NDST4: variants seen among roughly 807,000 people sequenced by gnomAD.
NDST4 encodes N-heparan sulfate sulfotransferase 4.
Under a neutral mutation model 100.8 loss-of-function variants are expected in NDST4, and 63 were observed. The ratio of observed to expected loss-of-function variants is 0.62; its 90% CI spans 0.51 to 0.77. The LOEUF is 0.77. NDST4 is among the 30% of genes least tolerant of loss of function. The probability of loss-of-function intolerance (pLI) is 0.00; values close to 1 mark genes in which losing one functional copy is unlikely to be tolerated. For missense variants in NDST4, 943 were observed against 1,018.4 expected (o/e 0.93, Z 1.01); for synonymous variants, 377 against 361.8 (o/e 1.04, Z -0.48).
chr4:115,025,724 CAG>C (rs1727969461), intron 2 of NDST4, among the ~76,000 whole-genome samples: 1 of 152,032 alleles, frequency 6.6e-6, no homozygotes, highest in South Asian at 2.1e-4. Flanking sequence ...AGTTAATATG[CAG>C]AGACATAATT....
intron 8 of NDST4, among the ~76,000 whole-genome samples, chr4:114,850,071 A>G (rs533381810): frequency 3.2e-4 from 49 of 152,316 alleles, no homozygotes; most frequent in Non-Finnish European, 5.7e-4. Flanking sequence ...TTTTAAGATA[A>G]CACTTTCTTA....
chr4:115,108,760 C>A (rs531582642), intron 1 of NDST4, among the ~76,000 whole-genome samples: 2 of 151,916 alleles, frequency 1.3e-5, no homozygotes, highest in Non-Finnish European at 2.9e-5. Flanking sequence ...ATCTCCCACC[C>A]TATTTCACTT....
At chr4:114,840,623 C>T (rs1189834943) in intron 10 of NDST4, among the ~76,000 whole-genome samples, 1 of 152,082 alleles carries the variant, frequency 6.6e-6, no homozygotes, top group African/African-American at 2.4e-5. Context: ...AACCACCAAA[C>T]ACATATGAAA....
intron 2 of NDST4, among the ~76,000 whole-genome samples, chr4:115,026,457 A>G (rs1727987230): frequency 6.6e-6 from 1 of 151,844 alleles, no homozygotes; most frequent in South Asian, 2.1e-4. Context: ...ACACACACAT[A>G]TACACATACG....
intron 12 of NDST4, among the ~76,000 whole-genome samples, chr4:114,833,192 A>AT (rs2126180416): frequency 6.6e-6 from 1 of 152,354 alleles, no homozygotes; most frequent in Non-Finnish European, 1.5e-5. Context: ...TAAATACATA[A>AT]TAAAACATGA....
At chr4:114,943,075 T>C (rs1181266868) in intron 4 of NDST4, among the ~76,000 whole-genome samples, 1 of 147,320 alleles carries the variant, frequency 6.8e-6, no homozygotes, top group Non-Finnish European at 1.5e-5. Context: ...TTATATATTA[T>C]ATAATATAAT....
At chr4:114,853,234 T>C (rs1723718442) in intron 7 of NDST4, among the ~76,000 whole-genome samples, 1 of 151,592 alleles carries the variant, frequency 6.6e-6, no homozygotes, top group African/African-American at 2.4e-5. Context: ...ATTCCAGACT[T>C]GGCCAACTTT....
intron 13 of NDST4, among the ~76,000 whole-genome samples, 189 bp downstream of exon 13, chr4:114,829,601 T>A (rs1191779932): frequency 6.6e-6 from 1 of 152,192 alleles, no homozygotes; most frequent in Non-Finnish European, 1.5e-5. Flanking sequence ...TTAATTTTAG[T>A]ATCTATCTAC....
At chr4:115,080,805 A>G (rs1729286799) in intron 1 of NDST4, among the ~76,000 whole-genome samples, 1 of 152,060 alleles carries the variant, frequency 6.6e-6, no homozygotes, top group Non-Finnish European at 1.5e-5. Context: ...TTTAATTTAA[A>G]AATCTATTTA....
At chr4:114,886,723 C>A (rs1464849808) in intron 6 of NDST4, among the ~76,000 whole-genome samples, 2 of 151,624 alleles carry the variant, frequency 1.3e-5, no homozygotes, top group East Asian at 3.9e-4. Context: ...TTGCTTTATT[C>A]AATAAGAAAA....
intron 13 of NDST4, 125 bp from the exon 14 acceptor site, chr4:114,828,060 G>A: frequency 1.2e-6 from 1 of 855,166 alleles, no homozygotes; most frequent in Non-Finnish European, 1.6e-6. Context: ...TATATTTCTT[G>A]TATTTTTCCT....
intron 4 of NDST4, among the ~76,000 whole-genome samples, chr4:114,958,514 G>T (rs548004084): frequency 1.3e-5 from 2 of 152,130 alleles, no homozygotes; most frequent in Non-Finnish European, 2.9e-5. Flanking sequence ...GGCTGCAAAG[G>T]CTTCGGGCTT....
Position 114,996,322 on chromosome 4 carries a change from C to T in NDST4, c.979-19048G>A, listed in dbSNP as rs112201447. ...TGTGAAGAGGTGCCTTCCACCACGACTGTAAGTTTCCTGAGTCCCCCCAAA... is the reference window on the plus strand; with the variant it reads ...TGTGAAGAGGTGCCTTCCACCACGATTGTAAGTTTCCTGAGTCCCCCCAAA... On this transcript the variant is annotated intron_variant, in intron 2 of 13. Coordinates refer to ENST00000264363, the MANE Select transcript of NDST4 (RefSeq NM_022569.3). Among the ~76,000 whole-genome samples the T allele has an allele frequency of 4.7e-3, 712 of 152,162 alleles. 6 individuals are homozygous for T. The highest frequency in any genetic ancestry group is 0.016 in the African/African-American group (682 of 41,540).
At chr4:115,052,698 C>T (rs1427622975) in intron 2 of NDST4, among the ~76,000 whole-genome samples, 1 of 152,136 alleles carries the variant, frequency 6.6e-6, no homozygotes, top group East Asian at 1.9e-4. Flanking sequence ...TCAATTAAAA[C>T]TCTTTCCTTT....
chr4:115,079,252 T>A (rs144058384), intron 1 of NDST4, among the ~76,000 whole-genome samples: 1,797 of 151,116 alleles, frequency 0.012, 33 homozygotes, highest in African/African-American at 0.041. Context: ...CTCAAGAGGC[T>A]GAGGCAGGAT....
chr4:114,926,395 C>CATA (rs1233263618), intron 6 of NDST4, among the ~76,000 whole-genome samples: 3 of 152,028 alleles, frequency 2.0e-5, no homozygotes, highest in Non-Finnish European at 4.4e-5. Context: ...AAATATAACA[C>CATA]ATAATAGCAA....
At chr4:115,048,142 T>C (rs1728504944) in intron 2 of NDST4, among the ~76,000 whole-genome samples, 2 of 152,088 alleles carry the variant, frequency 1.3e-5, no homozygotes, top group Admixed American at 1.3e-4. Context: ...GACAAACTTT[T>C]TAGCTGATAG....
chr4:114,940,563 G>A (rs960100603), intron 4 of NDST4, among the ~76,000 whole-genome samples: 1 of 152,162 alleles, frequency 6.6e-6, no homozygotes, highest in African/African-American at 2.4e-5. Flanking sequence ...GCAGGGGCCA[G>A]CATGAGTGCT....
intron 1 of NDST4, 83 bp downstream of exon 1, chr4:115,113,361 T>C (rs1415344647): frequency 6.6e-6 from 1 of 151,988 alleles, no homozygotes; most frequent in Non-Finnish European, 1.5e-5. Context: ...AACTTTATTG[T>C]GTCCGACTTG....
Sources: gnomAD v4.1 joint callset for allele counts (sites outside exome capture counted in the v4.1 genomes callset) on GRCh38, gnomAD v4.1.1 for gene constraint, MANE v1.5 for transcripts, NCBI Gene and HGNC (gene_info 2026-07-23, HGNC 2026-07-21) for gene names.